MYZAP: variants seen among roughly 807,000 people sequenced by gnomAD.
MYZAP encodes myocardial zonula adherens protein, also known as GRINL1A complex locus upstream.
MYZAP carries 66 observed loss-of-function variants against 69.4 expected under a neutral mutation model. The observed-to-expected ratio is 0.95, with a 90% CI of 0.78 to 1.17. The LOEUF is 1.17. MYZAP is among the 50% of genes most tolerant of loss of function. The probability of loss-of-function intolerance (pLI) is 0.00; values close to 1 mark genes in which losing one functional copy is unlikely to be tolerated. For synonymous variants in MYZAP, 256 were observed against 205.9 expected (o/e 1.24, Z -2.09); for missense variants, 611 against 556.2 (o/e 1.10, Z -0.99).
rs2039634102 is a variant in MYZAP, at chr15:57,685,184, T to A, written c.*686T>A. On this transcript the variant is annotated 3_prime_UTR_variant, in exon 13 of 13. Coordinates refer to ENST00000267853, the MANE Select transcript of MYZAP (RefSeq NM_001018100.5). Reference sequence around the variant, plus strand: ...TATTTATTCAACTAGTGATTTTTTTTTCTTTCTCACTTTAACTTAAAGAGA... The same window carrying A: ...TATTTATTCAACTAGTGATTTTTTTATCTTTCTCACTTTAACTTAAAGAGA... The A allele has an allele frequency of 6.6e-6, 1 of 151,944 alleles. No homozygotes were observed. Among genetic ancestry groups the A allele is most frequent in the African/African-American group, 2.4e-5 (1 of 41,174 alleles). The allele number at this position is 151,944 out of a possible 1,614,324, so 9.4% of individuals were successfully genotyped here. A position where few individuals can be genotyped will look rare whatever the true frequency, so the allele number is the denominator to read the frequency against.
intron 1 of MYZAP, among the ~76,000 whole-genome samples, chr15:57,595,529 C>T: frequency 6.9e-6 from 1 of 145,394 alleles, no homozygotes; most frequent in Admixed American, 6.8e-5. Context: ...GGGTCGTGTG[C>T]TTTGCGGGGA....
chr15:57,665,441 A>G (rs2038519305), intron 11 of MYZAP, among the ~76,000 whole-genome samples: 1 of 152,246 alleles, frequency 6.6e-6, no homozygotes, highest in African/African-American at 2.4e-5. Flanking sequence ...TTCTGGCTCC[A>G]TGCCCAGGCA....
chr15:57,647,330 C>T, intron 10 of MYZAP: 1 of 985,380 alleles, frequency 1.0e-6, no homozygotes, highest in South Asian at 4.7e-5. Flanking sequence ...TTCAGACTTC[C>T]ACTAGGGAGA....
chr15:57,609,382 G>C (rs1382148318), intron 2 of MYZAP, among the ~76,000 whole-genome samples: 1 of 152,220 alleles, frequency 6.6e-6, no homozygotes, highest in Non-Finnish European at 1.5e-5. Context: ...GCTCCAGGGG[G>C]AGAATTTTTC....
At chr15:57,629,071 A>C (rs1279315776) in intron 5 of MYZAP, among the ~76,000 whole-genome samples, 2 of 146,348 alleles carry the variant, frequency 1.4e-5, no homozygotes, top group Admixed American at 6.8e-5. Flanking sequence ...CGACAGAGTA[A>C]GGCTCTGTCT....
At position 57,593,504 on chromosome 15, in the gene MYZAP, A is replaced by C. The variant is rs59081770; in HGVS notation, c.75+1395A>C. Among the ~76,000 whole-genome samples the C allele has an allele frequency of 5.2e-3, 797 of 152,292 alleles. 4 individuals are homozygous for C. The highest frequency in any genetic ancestry group is 0.019 in the African/African-American group (772 of 41,570). ...TGAAATTCTCTGTAACTTCCCTTCC[A>C]GAGGTGGGGATTAGTTGGGGTACCT... On this transcript the variant is annotated intron_variant, in intron 1 of 12. Coordinates refer to ENST00000267853, the MANE Select transcript of MYZAP (RefSeq NM_001018100.5).
At chr15:57,659,635 T>C (rs767519279) in intron 10 of MYZAP, among the ~76,000 whole-genome samples, 6 of 152,226 alleles carry the variant, frequency 3.9e-5, no homozygotes, top group Non-Finnish European at 8.8e-5. Flanking sequence ...TCTTTAATAA[T>C]CCACTAAGAA....
intron 10 of MYZAP, among the ~76,000 whole-genome samples, chr15:57,657,654 C>T (rs888706365): frequency 7.2e-5 from 11 of 152,074 alleles, no homozygotes; most frequent in African/African-American, 2.7e-4. Context: ...CATTAATAGT[C>T]CATATTAATG....
intron 12 of MYZAP, among the ~76,000 whole-genome samples, chr15:57,677,119 G>T (rs1410531469): frequency 6.6e-6 from 1 of 152,228 alleles, no homozygotes; most frequent in Admixed American, 6.5e-5. Context: ...CAGGGCAGTG[G>T]CCTTCCACCT....
At chr15:57,631,158 C>T (rs1208658897) in intron 6 of MYZAP, among the ~76,000 whole-genome samples, 1 of 146,940 alleles carries the variant, frequency 6.8e-6, no homozygotes, top group African/African-American at 2.5e-5. Flanking sequence ...GCTAAAAAAG[C>T]CTGAAATTAC....
Position 57,639,920 on chromosome 15 carries a change from G to C in MYZAP, c.1119+375G>C, listed in dbSNP as rs569185046. Among the ~76,000 whole-genome samples the C allele has an allele frequency of 7.3e-5, 11 of 150,100 alleles. No homozygotes were observed. In the East Asian group the frequency reaches 1.7e-3, roughly 24 times the overall value. On this transcript the variant is annotated intron_variant, in intron 10 of 12. Coordinates refer to ENST00000267853, the MANE Select transcript of MYZAP (RefSeq NM_001018100.5). ...GCACTGCCTCCACAGCCGTCTGTCT[G>C]TCTCTCTCTCTCTCTCTCAGCTACC...
At chr15:57,639,680 C>A (rs1567222397) in intron 10 of MYZAP, 135 bp downstream of exon 10, 1 of 965,766 alleles carries the variant, frequency 1.0e-6, no homozygotes, top group Non-Finnish European at 1.5e-6. Flanking sequence ...CATCTAGGCC[C>A]AGAGTGGGAT....
At chr15:57,628,867 G>A (rs1483288121) in intron 5 of MYZAP, among the ~76,000 whole-genome samples, 1 of 151,894 alleles carries the variant, frequency 6.6e-6, no homozygotes, top group African/African-American at 2.4e-5. Flanking sequence ...GGTGGATCAC[G>A]AGGTCAGGAG....
intron 10 of MYZAP, among the ~76,000 whole-genome samples, chr15:57,652,890 G>T (rs1432206894): frequency 2.6e-5 from 4 of 152,120 alleles, no homozygotes; most frequent in African/African-American, 9.7e-5. Flanking sequence ...CCCTGAAAAG[G>T]CTGTAAGAAC....
At chr15:57,623,504 A>G (rs1311117957) in intron 4 of MYZAP, among the ~76,000 whole-genome samples, 2 of 152,146 alleles carry the variant, frequency 1.3e-5, no homozygotes, top group Non-Finnish European at 2.9e-5. Context: ...AGGCCGAGGC[A>G]GGTGGATCAT....
intron 1 of MYZAP, among the ~76,000 whole-genome samples, chr15:57,593,190 A>G (rs1252422877): frequency 5.5e-5 from 6 of 108,252 alleles, no homozygotes; most frequent in Non-Finnish European, 1.2e-4. Context: ...ACACAGGCGC[A>G]CACACACACA....
At chr15:57,643,740 T>G (rs200758528) in intron 10 of MYZAP, among the ~76,000 whole-genome samples, 75 of 146,876 alleles carry the variant, frequency 5.1e-4, no homozygotes, top group African/African-American at 1.9e-3. Context: ...GTTTTTTTTT[T>G]GTTTTTTTTT....
chr15:57,675,060 T>G lies in MYZAP; in HGVS notation c.1296T>G (p.Leu432=), dbSNP rs773965594. 5 of 1,606,844 alleles carry G rather than the reference T, an allele frequency of 3.1e-6. No individual in the cohort carries two copies. Among genetic ancestry groups the G allele is most frequent in the Non-Finnish European group, 3.4e-6 (4 of 1,177,850 alleles). The part of the protein sequence containing the change: ...ETREIGVGCD[L]LPSQTGRTRE... ...GAGAGATAGGAGTGGGCTGTGATCTTCTACCCAGGTATTTAGGAATTTCCT... is the reference window on the plus strand; with the variant it reads ...GAGAGATAGGAGTGGGCTGTGATCTGCTACCCAGGTATTTAGGAATTTCCT... Residue 432 remains leucine, a synonymous_variant, in exon 12 of 13, where the codon CTT becomes CTG. Transcript: ENST00000267853.
chr15:57,643,846 T>TTTC (rs1356273826), intron 10 of MYZAP, among the ~76,000 whole-genome samples: 1 of 152,222 alleles, frequency 6.6e-6, no homozygotes, highest in Non-Finnish European at 1.5e-5. Flanking sequence ...ATAGGAAATG[T>TTTC]TTCTTCCAAC....
Sources: allele counts gnomAD v4.1 joint callset (sites outside exome capture counted in the v4.1 genomes callset), GRCh38; gene constraint gnomAD v4.1.1; transcripts MANE v1.5; gene names NCBI Gene and HGNC (gene_info 2026-07-23, HGNC 2026-07-21).